CC2D1A: variants seen among roughly 807,000 people sequenced by gnomAD.
CC2D1A encodes the protein coiled-coil and C2 domain-containing protein 1A.
In CC2D1A, 68 loss-of-function variants were observed where a neutral mutation model predicts 123.8. The observed-to-expected ratio is 0.55, with a 90% CI of 0.45 to 0.67. The LOEUF (loss-of-function observed/expected upper bound fraction) is 0.67, where lower values mean the gene tolerates loss of function less well. CC2D1A is among the 30% of genes least tolerant of loss of function. The pLI, the probability that CC2D1A is intolerant of heterozygous loss-of-function variation, is 0.00. For synonymous variants in CC2D1A, 477 were observed against 528.0 expected, an observed-to-expected ratio of 0.90 and a Z score of 1.32; for missense variants, 1,185 against 1,290.3, an observed-to-expected ratio of 0.92 and a Z score of 1.25.
chr19:13,925,989 CAT>C (rs1177120640), intron 17 of CC2D1A, among the ~76,000 whole-genome samples: 3 of 57,338 alleles, frequency 5.2e-5, no homozygotes, highest in Admixed American at 2.1e-4. Flanking sequence ...TATATATATA[CAT>C]ATATGTGTGT....
At chr19:13,917,171 G>A (rs1037461438) in intron 6 of CC2D1A, among the ~76,000 whole-genome samples, 1 of 152,124 alleles carries the variant, frequency 6.6e-6, no homozygotes, top group Non-Finnish European at 1.5e-5. Context: ...TGAGTCCCAG[G>A]ATATATTTAA....
In CC2D1A at chr19:13,918,734, CT is replaced by C. The variant is rs1568411162; in HGVS notation, c.947-11del. On this transcript the variant is annotated splice_polypyrimidine_tract_variant and intron_variant, in intron 8 of 28. Coordinates refer to ENST00000318003, the MANE Select transcript of CC2D1A (RefSeq NM_017721.5). ...ACAAGCCCCTCATTGGCCTGGACCT[CT>C]CTGTCCCCAGACCAGCTGCCCCCAG... 1 of 1,608,802 alleles carries C rather than the reference CT, an allele frequency of 6.2e-7. No individual in the cohort carries two copies. The highest frequency in any genetic ancestry group is 8.5e-7 in the Non-Finnish European group (1 of 1,177,326).
intron 6 of CC2D1A, among the ~76,000 whole-genome samples, chr19:13,916,125 T>C (rs990882160): frequency 1.3e-5 from 2 of 152,064 alleles, no homozygotes; most frequent in African/African-American, 4.8e-5. Flanking sequence ...GGCGTGGTGG[T>C]GCATGCTGGT....
At chr19:13,914,336 AT>A (rs965698969) in intron 6 of CC2D1A, among the ~76,000 whole-genome samples, 359 of 135,090 alleles carry the variant, frequency 2.7e-3, no homozygotes, top group Admixed American at 2.2e-3. Flanking sequence ...CACTTGGCTA[AT>A]TTTTTTTTTT....
chr19:13,918,697 G>A, intron 8 of CC2D1A, 49 bp from the exon 9 acceptor site: 2 of 1,590,794 alleles, frequency 1.3e-6, no homozygotes, highest in Non-Finnish European at 1.7e-6. Context: ...CAGCTTGTCG[G>A]GGGTGCAGCT....
chr19:13,914,403 C>T (rs993426980), intron 6 of CC2D1A, among the ~76,000 whole-genome samples: 9 of 149,592 alleles, frequency 6.0e-5, no homozygotes, highest in Non-Finnish European at 1.2e-4. Context: ...GGTGCGATCT[C>T]GGCTCACTGC....
chr19:13,918,836 T>C lies in CC2D1A; in HGVS notation c.1018+19T>C. 7 of 1,612,448 alleles carry C rather than the reference T, an allele frequency of 4.3e-6. No homozygotes were observed. Among genetic ancestry groups the C allele is most frequent in the Non-Finnish European group, 5.9e-6 (7 of 1,179,204 alleles). On this transcript the variant is annotated intron_variant, in intron 9 of 28. Coordinates refer to ENST00000318003, the MANE Select transcript of CC2D1A (RefSeq NM_017721.5). ...ACAACAGGTAGGTTCTGGGACCCTC[T>C]GGGGTTGGGGGCAGGCTGGAGCCAG...
At chr19:13,922,127 G>A (rs1164272419) in intron 14 of CC2D1A, among the ~76,000 whole-genome samples, 2 of 151,988 alleles carry the variant, frequency 1.3e-5, no homozygotes, top group Non-Finnish European at 2.9e-5. Context: ...TTAGCCTCCC[G>A]AGTAGCTGGA....
intron 2 of CC2D1A, among the ~76,000 whole-genome samples, chr19:13,910,901 AT>A (rs1970975957): frequency 6.6e-6 from 1 of 152,026 alleles, no homozygotes; most frequent in South Asian, 2.1e-4. Flanking sequence ...ACAGAGCAAG[AT>A]CCTGTTTCCA....
chr19:13,914,706 T>C (rs58228757), intron 6 of CC2D1A, among the ~76,000 whole-genome samples: 19,541 of 150,694 alleles, frequency 0.13, 4,143 homozygotes, highest in African/African-American at 0.45. Context: ...AGCATGATCC[T>C]AGTTCACTGC....
Position 13,926,998 on chromosome 19 carries a change from C to T in CC2D1A, c.2146C>T (p.Leu716Phe), listed in dbSNP as rs770391486. Residue 716 changes from leucine to phenylalanine, a missense_variant, in exon 21 of 29, where the codon CTC becomes TTC. Transcript: ENST00000318003. The part of the protein sequence containing the change: ...DSPEFKEQFK[L>F]CINRSHRGFR... The stretch of plus-strand genomic sequence containing the variant: ...TGCAGAGTTCAAGGAGCAGTTCAAA[C>T]TCTGCATCAACCGCAGCCACCGTGG... 68 of 1,613,994 alleles carry T rather than the reference C, an allele frequency of 4.2e-5. No homozygotes were observed. In the Middle Eastern group the frequency reaches 4.9e-4, roughly 12 times the overall value.
chr19:13,911,280 G>A (rs1430934569), intron 2 of CC2D1A, among the ~76,000 whole-genome samples: 2 of 152,102 alleles, frequency 1.3e-5, no homozygotes, highest in Admixed American at 6.6e-5. Flanking sequence ...TTTCCCCTAG[G>A]AGCAACAGTC....
intron 22 of CC2D1A, chr19:13,927,538 G>A (rs1971687134): frequency 2.1e-6 from 1 of 485,192 alleles, no homozygotes; most frequent in Non-Finnish European, 3.8e-6. Flanking sequence ...CAGCACTTTG[G>A]GAGGCTGAGG....
At chr19:13,917,614 C>T (rs1029833240) in intron 6 of CC2D1A, among the ~76,000 whole-genome samples, 3 of 151,774 alleles carry the variant, frequency 2.0e-5, no homozygotes, top group South Asian at 2.1e-4. Context: ...AATTGGGAGG[C>T]GGAGGTTGCA....
intron 24 of CC2D1A, among the ~76,000 whole-genome samples, chr19:13,928,704 CTTTTT>C (rs60455051): frequency 2.7e-5 from 3 of 109,216 alleles, no homozygotes; most frequent in Admixed American, 9.7e-5. Context: ...CCCAGTGTGT[CTTTTT>C]TTTTTTTTTT....
Position 13,919,192 on chromosome 19 carries a change from C to T in CC2D1A, c.1212C>T (p.Pro404=), listed in dbSNP as rs754648222. The T allele has an allele frequency of 1.8e-5, 29 of 1,612,188 alleles. No individual in the cohort carries two copies. The East Asian group carries it at 4.2e-4, about 24-fold the overall frequency. The part of the protein sequence containing the change: ...AGRAVDVAEL[P]VPPGFPPIQG... ...GAGCCGTGGATGTCGCTGAATTGCC[C>T]GTGCCCCCAGGTAGGCCTTGCCCCT... The change falls in exon 11 of 29, where the codon CCC becomes CCT. Residue 404 remains proline (P), a synonymous_variant. Transcript: ENST00000318003.
At chr19:13,921,363 C>T (rs1376078884) in intron 14 of CC2D1A, among the ~76,000 whole-genome samples, 2 of 151,838 alleles carry the variant, frequency 1.3e-5, no homozygotes, top group South Asian at 2.1e-4. Flanking sequence ...CTTGTTGGTG[C>T]ACTGTGTGAC....
At position 13,920,781 on chromosome 19, in the gene CC2D1A, C is replaced by T. The variant is rs746769237; in HGVS notation, c.1500C>T (p.Arg500=). The change falls in exon 14 of 29, where the codon CGC becomes CGT. Residue 500 remains arginine, a synonymous_variant. Transcript: ENST00000318003. ...AQQQLAFLEG[R]KKQLLQAALR... ...AGCAGCTGGCCTTCCTAGAGGGCCG[C>T]AAGAAGCAGCTCCTGCAGGCCGCAC... The T allele has an allele frequency of 6.2e-7, 1 of 1,613,918 alleles. No individual in the cohort carries two copies.
chr19:13,930,080 T>C lies in CC2D1A; in HGVS notation c.2713T>C (p.Tyr905His). 1 of 1,612,806 alleles carries C rather than the reference T, an allele frequency of 6.2e-7. No individual in the cohort carries two copies. The highest frequency in any genetic ancestry group is 8.5e-7 in the Non-Finnish European group (1 of 1,179,532). Residue 905 changes from tyrosine to histidine, a missense_variant and splice_region_variant, in exon 27 of 29, where the codon TAC becomes CAC. Transcript: ENST00000318003. This position sits in a 1 kb window ranked among gnomAD's most constrained non-coding sequence, Gnocchi z 6.8. ...EQGGVGIRRE[Y>H]AAQLERQLQF... ...ATTCCCCCGCCATCCATTCTCAGAA[T>C]ACGCAGCCCAGCTGGAGCGGCAGCT...
Sources: gnomAD v4.1 joint callset for allele counts (sites outside exome capture counted in the v4.1 genomes callset) on GRCh38, gnomAD v4.1.1 for gene constraint, Gnocchi (gnomAD v3.1) non-coding constraint, MANE v1.5 for transcripts, NCBI Gene and HGNC (gene_info 2026-07-23, HGNC 2026-07-21) for gene names.